IGDCC3: variants seen among roughly 807,000 people sequenced by gnomAD.
IGDCC3 encodes immunoglobulin superfamily DCC subclass member 3.
A neutral mutation model predicts 72.0 loss-of-function variants in IGDCC3; 47 were observed. The observed-to-expected ratio is 0.65, with a 90% CI of 0.52 to 0.83. The LOEUF (loss-of-function observed/expected upper bound fraction) is 0.83. Ranked by LOEUF, IGDCC3 falls within the 40% of genes least tolerant of loss-of-function variation. The pLI, the probability that IGDCC3 is intolerant of heterozygous loss-of-function variation, is 0.00. For synonymous variants in IGDCC3, 477 were observed against 472.8 expected (o/e 1.01, Z -0.11); for missense variants, 1,038 against 1,091.3 (o/e 0.95, Z 0.69).
Position 65,329,775 on chromosome 15 carries a change from T to G in IGDCC3, c.1948A>C (p.Thr650Pro). ...GIVIGIHIGV[T>P]CIIFCVLFLL... ...AAGAGGACACAGAAGATGATGCAAGTGACCCCGATGTGGATGCCGATGACG... is the reference window on the plus strand; with the variant it reads ...AAGAGGACACAGAAGATGATGCAAGGGACCCCGATGTGGATGCCGATGACG... The change falls in exon 12 of 14, where the codon ACT (threonine) becomes CCT (proline). Residue 650 changes from threonine to proline, a missense_variant. Coordinates refer to ENST00000327987, the MANE Select transcript of IGDCC3 (RefSeq NM_004884.4). The surrounding 1 kb of genome is among the most constrained non-coding windows in gnomAD (Gnocchi z 4.1). 1.2e-6 allele frequency: 2 copies of G among 1,614,174 alleles called. No individual in the cohort carries two copies. Among genetic ancestry groups the G allele is most frequent in the Non-Finnish European group, 1.7e-6 (2 of 1,180,042 alleles).
chr15:65,333,541 G>T (rs1484259010), intron 5 of IGDCC3, 126 bp from the exon 6 acceptor site: 4 of 845,372 alleles, frequency 4.7e-6, no homozygotes, highest in Non-Finnish European at 7.0e-6. Context: ...CTTTGACTCT[G>T]CCCCTTCCCT....
At chr15:65,335,220 G>T in intron 4 of IGDCC3, 71 bp downstream of exon 4, 15 of 1,510,978 alleles carry the variant, frequency 9.9e-6, no homozygotes, top group Non-Finnish European at 1.2e-5. Flanking sequence ...GCTGAAGGGG[G>T]TTGATCTAAG....
chr15:65,360,006 T>C (rs2091250205), intron 2 of IGDCC3, among the ~76,000 whole-genome samples: 1 of 152,080 alleles, frequency 6.6e-6, no homozygotes, highest in African/African-American at 2.4e-5. Context: ...TCTCTCACCC[T>C]CATCAGATAC....
intron 2 of IGDCC3, among the ~76,000 whole-genome samples, chr15:65,368,137 G>A (rs538914640): frequency 3.3e-4 from 48 of 144,262 alleles, no homozygotes; most frequent in African/African-American, 1.2e-3. Context: ...TCAAGCTACT[G>A]TGGAAAACTC....
chr15:65,330,730 G>C lies in IGDCC3; in HGVS notation c.1573C>G (p.Pro525Ala). The change falls in exon 10 of 14, where the codon CCC (proline) becomes GCC (alanine). Residue 525 changes from proline to alanine, a missense_variant. By Grantham distance (27) the Pro-to-Ala change is conservative. Transcript: ENST00000327987. Reference protein sequence around the residue: ...ASTLGEAPAPPPLSVRVLGSS... With the variant: ...ASTLGEAPAPAPLSVRVLGSS... ...CCCAGGACTCGCACTGACAGTGGGG[G>C]TGGGGCAGGGGCTGCAGGTAGAGAA... is the stretch of plus-strand genomic sequence containing the variant. The C allele has an allele frequency of 6.2e-7, 1 of 1,607,120 alleles. No homozygotes were observed. The highest frequency in any genetic ancestry group is 8.5e-7 in the Non-Finnish European group (1 of 1,176,318).
chr15:65,346,460 G>A, intron 2 of IGDCC3, among the ~76,000 whole-genome samples: 1 of 125,888 alleles, frequency 7.9e-6, no homozygotes, highest in East Asian at 2.4e-4. Context: ...ACGAGACTCA[G>A]CTCTTTTTTT....
intron 2 of IGDCC3, chr15:65,356,316 G>A (rs1272206274): frequency 6.5e-6 from 1 of 153,480 alleles, no homozygotes; most frequent in Non-Finnish European, 1.4e-5. Flanking sequence ...GGGAAGATGG[G>A]GCACTGTGGG....
chr15:65,335,644 A>G (rs1342559511), intron 3 of IGDCC3, among the ~76,000 whole-genome samples, 168 bp downstream of exon 3: 5 of 152,116 alleles, frequency 3.3e-5, no homozygotes, highest in Non-Finnish European at 7.3e-5. Context: ...ATCTGGGCCC[A>G]GCCAGTCATG....
chr15:65,334,466 G>T, intron 5 of IGDCC3: 1 of 451,806 alleles, frequency 2.2e-6, no homozygotes, highest in Non-Finnish European at 3.9e-6. Flanking sequence ...AGGGTGAGGG[G>T]AGGACTGCAG....
chr15:65,329,901 A>G lies in IGDCC3; in HGVS notation c.1859-37T>C, dbSNP rs1303152670. On this transcript the variant is annotated intron_variant, in intron 11 of 13. Coordinates refer to ENST00000327987, the MANE Select transcript of IGDCC3 (RefSeq NM_004884.4). The surrounding 1 kb of genome is among the most constrained non-coding windows in gnomAD (Gnocchi z 4.1). ...GACGGGTTGGAGGCTTTGGCTCTCC[A>G]GGTCTGAAGCACTCCCAAACACCCA... 1 of 1,612,160 alleles carries G rather than the reference A, an allele frequency of 6.2e-7. No individual in the cohort carries two copies. The highest frequency in any genetic ancestry group is 8.5e-7 in the Non-Finnish European group (1 of 1,179,428).
At chr15:65,345,558 GCACACACA>G (rs139591852) in intron 2 of IGDCC3, among the ~76,000 whole-genome samples, 1 of 145,758 alleles carries the variant, frequency 6.9e-6, no homozygotes, top group Non-Finnish European at 1.5e-5. Flanking sequence ...TGTCTCACAC[GCACACACA>G]CACACACACA....
Position 65,329,427 on chromosome 15 carries a change from G to C in IGDCC3, c.2168C>G (p.Pro723Arg), listed in dbSNP as rs145360224. 3.7e-6 allele frequency: 6 copies of C among 1,601,514 alleles called. No individual in the cohort carries two copies. The highest frequency in any genetic ancestry group is 1.3e-5 in the African/African-American group (1 of 74,184). ...DMKELEQLFP[P>R]ASAAGQPDPR... Reference sequence around the variant, plus strand: ...GTCCGGCTGCCCTGCTGCGCTGGCCGGGGGGAACAGCTGCTCCAGCTCCTT... The same window carrying C: ...GTCCGGCTGCCCTGCTGCGCTGGCCCGGGGGAACAGCTGCTCCAGCTCCTT... Residue 723 changes from proline (P) to arginine (R), a missense_variant, in exon 13 of 14, where the codon CCG (proline) becomes CGG (arginine). Physicochemically the swap from Pro to Arg is moderately radical, Grantham distance 103. Coordinates refer to ENST00000327987, the MANE Select transcript of IGDCC3 (RefSeq NM_004884.4). The surrounding 1 kb of genome is among the most constrained non-coding windows in gnomAD (Gnocchi z 4.1).
intron 3 of IGDCC3, 62 bp from the exon 4 acceptor site, chr15:65,335,483 A>C: frequency 6.5e-7 from 1 of 1,531,626 alleles, no homozygotes; most frequent in Non-Finnish European, 8.9e-7. Flanking sequence ...AGCCACAAAG[A>C]CTCTGGGCAT....
At position 65,331,487 on chromosome 15, in the gene IGDCC3, G is replaced by A. The variant is rs201555377; in HGVS notation, c.1321C>T (p.Arg441Cys). The A allele has an allele frequency of 5.5e-5, 88 of 1,613,656 alleles. No homozygotes were observed. Among genetic ancestry groups the A allele is most frequent in the Admixed American group, 5.0e-5 (3 of 60,014 alleles). ...GCCAGCGGCTCACTCCAGGACACAC[G>A]CACCTCAGTGGAAGACACAGAGACT... is the stretch of plus-strand genomic sequence containing the variant. ...RAVSVSSTEV[R>C]VSWSEPLANT... The change falls in exon 8 of 14, where the codon CGT becomes TGT. Residue 441 changes from arginine (R) to cysteine (C), a missense_variant. Arg to Cys is a radical substitution (Grantham distance 180). Coordinates refer to ENST00000327987, the MANE Select transcript of IGDCC3 (RefSeq NM_004884.4).
intron 2 of IGDCC3, among the ~76,000 whole-genome samples, chr15:65,368,605 C>T (rs2091304159): frequency 6.6e-6 from 1 of 152,092 alleles, no homozygotes; most frequent in Admixed American, 6.5e-5. Flanking sequence ...GGGACATAGG[C>T]CTTGTCTAGC....
At chr15:65,353,706 A>T (rs1189457408) in intron 2 of IGDCC3, among the ~76,000 whole-genome samples, 3 of 152,224 alleles carry the variant, frequency 2.0e-5, no homozygotes, top group Admixed American at 2.0e-4. Flanking sequence ...ACCTCTGGTC[A>T]TCCTCACTAC....
At position 65,327,702 on chromosome 15, in the gene IGDCC3, C is replaced by T. The variant is rs1418986958; in HGVS notation, c.*1207G>A. On this transcript the variant is annotated 3_prime_UTR_variant, in exon 14 of 14. Transcript: ENST00000327987. ...AACACACCTTGTATAAAAATAGCTT[C>T]CGGCCATGGCTGCTGACAGTGGATG... 6.6e-6 allele frequency: 1 copy of T among 152,630 alleles called. No individual in the cohort carries two copies. Among genetic ancestry groups the T allele is most frequent in the Non-Finnish European group, 1.5e-5 (1 of 68,060 alleles). The allele number at this position is 152,630 out of a possible 1,614,324, so 9.5% of individuals were successfully genotyped here.
intron 2 of IGDCC3, among the ~76,000 whole-genome samples, chr15:65,356,693 G>C (rs1397004988): frequency 5.1e-4 from 75 of 147,220 alleles, no homozygotes; most frequent in African/African-American, 1.7e-3. Context: ...TAAAGGCGAG[G>C]GTTGGGGGGG....
At chr15:65,332,135 G>A (rs763268999) in intron 6 of IGDCC3, 29 bp from the exon 7 acceptor site, 53 of 1,601,338 alleles carry the variant, frequency 3.3e-5, no homozygotes, top group Non-Finnish European at 4.1e-5. Flanking sequence ...GGGTGGGGGC[G>A]CAGACAGACA....
Sources: gnomAD v4.1 joint callset for allele counts (sites outside exome capture counted in the v4.1 genomes callset) on GRCh38, gnomAD v4.1.1 for gene constraint, Gnocchi (gnomAD v3.1) non-coding constraint, MANE v1.5 for transcripts, NCBI Gene and HGNC (gene_info 2026-07-23, HGNC 2026-07-21) for gene names.